Variants in GSE1 observed in about 807,000 individuals in gnomAD.
GSE1 encodes Gse1 coiled-coil protein, also known as genetic suppressor element 1.
A neutral mutation model predicts 112.6 loss-of-function variants in GSE1; 32 were observed. That is an observed-to-expected ratio of 0.28 (90% CI 0.21 to 0.38). GSE1 has a LOEUF of 0.38. Among genes scored for constraint, GSE1 ranks in the 10% least tolerant of loss-of-function variants. GSE1 has a pLI of 1.00. For synonymous variants in GSE1, 1,115 were observed against 735.6 expected (o/e 1.52, Z -8.35); for missense variants, 2,348 against 1,699.2 (o/e 1.38, Z -6.71).
At position 85,268,674 on chromosome 16, in the gene GSE1, C is replaced by T. The variant is rs116509189; in HGVS notation, c.2284-88789C>T. 7.5e-3 allele frequency among the ~76,000 whole-genome samples: 1,147 copies of T among 152,294 alleles called. 19 individuals carry two copies. The highest frequency in any genetic ancestry group is 0.027 in the African/African-American group (1,111 of 41,550). Reference sequence around the variant, plus strand: ...CCGGCGTGTAGCTGCCCCTGGAGCCCCCCAAGGGCCTGGACAATTCACCTG... The same window carrying T: ...CCGGCGTGTAGCTGCCCCTGGAGCCTCCCAAGGGCCTGGACAATTCACCTG... On this transcript the variant is annotated intron_variant, in intron 1 of 2. Transcript: ENST00000637419.
chr16:85,581,000 G>A (rs578179236), intron 1 of GSE1, among the ~76,000 whole-genome samples: 2 of 152,364 alleles, frequency 1.3e-5, no homozygotes, highest in South Asian at 2.1e-4. Flanking sequence ...AGTTGCTGAG[G>A]CCCTGGAGGT....
At chr16:85,481,680 C>T (rs976296330) in intron 2 of GSE1, among the ~76,000 whole-genome samples, 1 of 152,200 alleles carries the variant, frequency 6.6e-6, no homozygotes, top group Non-Finnish European at 1.5e-5. Flanking sequence ...CAGGGCCCAG[C>T]AGCTCCTTTT....
intron 1 of GSE1, among the ~76,000 whole-genome samples, chr16:85,198,035 G>A (rs969482274): frequency 2.0e-5 from 3 of 152,116 alleles, no homozygotes; most frequent in Non-Finnish European, 4.4e-5. Flanking sequence ...CCCCTTGGTT[G>A]GGCGAGTCCT....
Position 85,178,733 on chromosome 16 carries a change from C to A in GSE1, c.2283+6926C>A, listed in dbSNP as rs535651543. On this transcript the variant is annotated intron_variant, in intron 1 of 2. Coordinates refer to the GSE1 transcript ENST00000637419. ...GACACCAGGACCCAGCAGTGAGCAA[C>A]CAGGCAGGGTCTTGGGGGCAGTGAT... Among the ~76,000 whole-genome samples, 7 of 152,038 alleles carry A rather than the reference C, an allele frequency of 4.6e-5. No homozygotes were observed. The South Asian group carries it at 1.5e-3, about 32-fold the overall frequency.
At chr16:85,224,301 C>CAAAAAAAAAAAAAAAA (rs55755242) in intron 1 of GSE1, among the ~76,000 whole-genome samples, 3 of 38,802 alleles carry the variant, frequency 7.7e-5, no homozygotes, top group Admixed American at 4.7e-4. Context: ...ACTAAAAATA[C>CAAAAAAAAAAAAAAAA]AAAAAAAAAA....
At chr16:85,390,438 C>T (rs1202077460) in intron 2 of GSE1, among the ~76,000 whole-genome samples, 1 of 152,120 alleles carries the variant, frequency 6.6e-6, no homozygotes, top group Non-Finnish European at 1.5e-5. Flanking sequence ...AGCTAGTCCC[C>T]TTTGAGCCCT....
At chr16:85,584,877 C>G (rs1251581810) in intron 1 of GSE1, among the ~76,000 whole-genome samples, 2 of 151,616 alleles carry the variant, frequency 1.3e-5, no homozygotes, top group Admixed American at 1.3e-4. Context: ...CCAAGACCCT[C>G]GCCCCCTGCA....
chr16:85,662,498 C>A (rs2052517449), intron 9 of GSE1: 1 of 154,184 alleles, frequency 6.5e-6, no homozygotes. Context: ...CTCCCCTACT[C>A]ACTTTGTAAA....
chr16:85,544,134 T>C (rs2044617827), intron 2 of GSE1, among the ~76,000 whole-genome samples: 1 of 152,180 alleles, frequency 6.6e-6, no homozygotes, highest in Non-Finnish European at 1.5e-5. Context: ...TGCGCCAGCC[T>C]GTAGACATAT....
At chr16:85,378,346 T>C (rs983678090) in intron 2 of GSE1, among the ~76,000 whole-genome samples, 1 of 152,162 alleles carries the variant, frequency 6.6e-6, no homozygotes, top group Non-Finnish European at 1.5e-5. Flanking sequence ...GGCAGCCTCC[T>C]GGGGGCAGTC....
At chr16:85,259,569 G>A (rs1158687212) in intron 1 of GSE1, among the ~76,000 whole-genome samples, 1 of 152,246 alleles carries the variant, frequency 6.6e-6, no homozygotes, top group African/African-American at 2.4e-5. Flanking sequence ...GCACAGAGCT[G>A]CCCAGGGCTA....
chr16:85,573,520 C>G (rs919542607), intron 1 of GSE1, among the ~76,000 whole-genome samples: 5 of 152,298 alleles, frequency 3.3e-5, no homozygotes, highest in South Asian at 2.1e-4. Flanking sequence ...GTCTATTTAA[C>G]TTTTTGAGGA....
intron 2 of GSE1, among the ~76,000 whole-genome samples, chr16:85,471,536 C>A (rs549532544): frequency 6.6e-6 from 1 of 152,056 alleles, no homozygotes; most frequent in South Asian, 2.1e-4. Context: ...CCTCAGCCTC[C>A]CAGAGTAGCT....
At chr16:85,268,100 G>A (rs1296114498) in intron 1 of GSE1, among the ~76,000 whole-genome samples, 1 of 152,148 alleles carries the variant, frequency 6.6e-6, no homozygotes, top group African/African-American at 2.4e-5. Flanking sequence ...CCACTGCTGA[G>A]CGGTCTGCTG....
intron 2 of GSE1, among the ~76,000 whole-genome samples, chr16:85,524,600 C>T (rs13339538): frequency 0.017 from 2,512 of 152,120 alleles, 68 homozygotes; most frequent in African/African-American, 0.058. Flanking sequence ...GGCCTCATGC[C>T]CTGGGCCGGG....
At chr16:85,417,013 C>A (rs988079033) in intron 2 of GSE1, among the ~76,000 whole-genome samples, 1 of 152,234 alleles carries the variant, frequency 6.6e-6, no homozygotes, top group Admixed American at 6.5e-5. Flanking sequence ...AGCCACCATG[C>A]CCGGCTAATT....
chr16:85,195,792 C>T (rs970735224), intron 1 of GSE1, among the ~76,000 whole-genome samples: 2 of 152,198 alleles, frequency 1.3e-5, no homozygotes, highest in Non-Finnish European at 2.9e-5. Flanking sequence ...GAATGAGAGC[C>T]TCTGTGTTTC....
At chr16:85,273,634 C>T (rs1909068697) in intron 1 of GSE1, among the ~76,000 whole-genome samples, 1 of 152,158 alleles carries the variant, frequency 6.6e-6, no homozygotes, top group Non-Finnish European at 1.5e-5. Flanking sequence ...CAGACTGGTG[C>T]TGCCAGGGGC....
intron 1 of GSE1, among the ~76,000 whole-genome samples, chr16:85,194,351 C>T (rs546187767): frequency 1.1e-4 from 17 of 152,278 alleles, no homozygotes; most frequent in African/African-American, 3.9e-4. Flanking sequence ...ATTCGCTTAA[C>T]GTCACCCAGG....
Sources: gnomAD v4.1 joint callset for allele counts (sites outside exome capture counted in the v4.1 genomes callset) on GRCh38, gnomAD v4.1.1 for gene constraint, MANE v1.5 for transcripts, NCBI Gene and HGNC (gene_info 2026-07-23, HGNC 2026-07-21) for gene names.